UNC5C: variants seen among roughly 807,000 people sequenced by gnomAD.
UNC5C encodes netrin receptor UNC5C.
UNC5C carries 47 observed loss-of-function variants against 99.8 expected under a neutral mutation model. The observed-to-expected ratio is 0.47, with a 90% confidence interval of 0.37 to 0.60. UNC5C has a LOEUF of 0.60. Ranked by LOEUF, UNC5C falls within the 20% of genes least tolerant of loss-of-function variation. UNC5C has a pLI of 0.00. For missense variants in UNC5C, 1,062 were observed against 1,165.9 expected (o/e 0.91, Z 1.30); for synonymous variants, 487 against 452.2 (o/e 1.08, Z -0.98).
rs867755473 is a variant in UNC5C, at chr4:95,514,629, T to C, written c.124+34105A>G. 2.4e-4 allele frequency among the ~76,000 whole-genome samples: 35 copies of C among 148,392 alleles called. No individual in the cohort carries two copies. In the Middle Eastern group the frequency reaches 0.021, roughly 91 times the overall value. ...TTCTATAAGAGCAGCAATATAAATA[T>C]ATTTATTTATTTATTTTATATATAT... On this transcript the variant is annotated intron_variant, in intron 1 of 15. Coordinates refer to ENST00000453304, the MANE Select transcript of UNC5C (RefSeq NM_003728.4).
intron 1 of UNC5C, among the ~76,000 whole-genome samples, chr4:95,447,781 T>C (rs1056767695): frequency 1.3e-5 from 2 of 152,192 alleles, no homozygotes; most frequent in African/African-American, 4.8e-5. Flanking sequence ...ATTATGGGCA[T>C]GACCCACTGC....
chr4:95,472,796 C>A (rs529673044), intron 1 of UNC5C, among the ~76,000 whole-genome samples: 5 of 151,892 alleles, frequency 3.3e-5, no homozygotes, highest in Admixed American at 6.6e-5. Context: ...TATTAACTGG[C>A]AAATTTGCAT....
At chr4:95,245,265 A>G in intron 5 of UNC5C, 121 bp from the exon 6 acceptor site, 1 of 1,226,982 alleles carries the variant, frequency 8.2e-7, no homozygotes, top group East Asian at 2.8e-5. Flanking sequence ...CATTATAAAA[A>G]TCCAAAATTT....
intron 1 of UNC5C, among the ~76,000 whole-genome samples, chr4:95,444,373 C>G (rs763782654): frequency 4.6e-5 from 7 of 150,962 alleles, no homozygotes; most frequent in Non-Finnish European, 7.4e-5. Context: ...CTCTGTCGCC[C>G]AGGCTGGAGT....
At chr4:95,194,394 A>G (rs1579219046) in intron 12 of UNC5C, among the ~76,000 whole-genome samples, 1 of 152,196 alleles carries the variant, frequency 6.6e-6, no homozygotes, top group East Asian at 1.9e-4. Context: ...GACTTAAAAA[A>G]TAACACAAAC....
chr4:95,496,366 T>C (rs983326011), intron 1 of UNC5C, among the ~76,000 whole-genome samples: 1 of 151,862 alleles, frequency 6.6e-6, no homozygotes. Flanking sequence ...GTACTGAGTA[T>C]GTATTTCAAA....
chr4:95,378,461 G>A (rs1744961844), intron 1 of UNC5C, among the ~76,000 whole-genome samples: 1 of 152,104 alleles, frequency 6.6e-6, no homozygotes, highest in African/African-American at 2.4e-5. Flanking sequence ...GCTAAGAAAA[G>A]AGTCGGACTT....
intron 1 of UNC5C, among the ~76,000 whole-genome samples, chr4:95,487,595 A>G (rs1049165563): frequency 6.6e-6 from 1 of 151,778 alleles, no homozygotes; most frequent in Admixed American, 6.6e-5. Flanking sequence ...TTACACTACT[A>G]TAAATACTTA....
rs1553973949 is a variant in UNC5C, at chr4:95,448,238, G to GAGAGAGAGAGAGAGAC, written c.124+100495_124+100496insGTCTCTCTCTCTCTCT. Among the ~76,000 whole-genome samples the GAGAGAGAGAGAGAGAC allele has an allele frequency of 5.1e-3, 693 of 136,926 alleles. 2 individuals are homozygous for GAGAGAGAGAGAGAGAC. The highest frequency in any genetic ancestry group is 0.013 in the South Asian group (57 of 4,282). The allele number at this position is 136,926 out of a possible 152,430, so 89.8% of individuals were successfully genotyped here. On this transcript the variant is annotated intron_variant, in intron 1 of 15. Coordinates refer to ENST00000453304, the MANE Select transcript of UNC5C (RefSeq NM_003728.4). ...TGTGTGTGTGTGTGTGAGAGAGAGAGAGAGAGAGAGAGAGAGAGAGAGAGA... is the reference window on the plus strand; with the variant it reads ...TGTGTGTGTGTGTGTGAGAGAGAGAGAGAGAGAGAGAGAGACAGAGAGAGAGAGAGAGAGAGAGAGA...
intron 1 of UNC5C, among the ~76,000 whole-genome samples, chr4:95,379,786 TC>T (rs1218623150): frequency 6.6e-6 from 1 of 152,132 alleles, no homozygotes; most frequent in Non-Finnish European, 1.5e-5. Context: ...GCTTGGTACT[TC>T]TTAGGCGCGA....
At chr4:95,247,897 T>C (rs1179434035) in intron 5 of UNC5C, 1 of 152,360 alleles carries the variant, frequency 6.6e-6, no homozygotes, top group Admixed American at 6.5e-5. Context: ...ATTTCTTTCT[T>C]GCATTTCAAA....
At chr4:95,445,298 C>A (rs184927744) in intron 1 of UNC5C, among the ~76,000 whole-genome samples, 2 of 150,246 alleles carry the variant, frequency 1.3e-5, no homozygotes, top group Non-Finnish European at 3.0e-5. Flanking sequence ...CCCTCCAACC[C>A]TTTTTTTCCT....
At chr4:95,330,516 C>A (rs1743069522) in intron 2 of UNC5C, among the ~76,000 whole-genome samples, 1 of 151,942 alleles carries the variant, frequency 6.6e-6, no homozygotes, top group Non-Finnish European at 1.5e-5. Context: ...TAAATGACAT[C>A]TTTTACTGCA....
At chr4:95,277,877 A>C (rs1740917498) in intron 4 of UNC5C, among the ~76,000 whole-genome samples, 1 of 152,240 alleles carries the variant, frequency 6.6e-6, no homozygotes, top group Non-Finnish European at 1.5e-5. Context: ...TCACAGACAC[A>C]GAAAAACACA....
chr4:95,276,146 G>T (rs1461374044), intron 4 of UNC5C, among the ~76,000 whole-genome samples: 1 of 152,016 alleles, frequency 6.6e-6, no homozygotes, highest in Non-Finnish European at 1.5e-5. Context: ...TGAGCAAATG[G>T]CAGTTGTAAT....
At chr4:95,499,726 C>G (rs1721731053) in intron 1 of UNC5C, among the ~76,000 whole-genome samples, 1 of 152,022 alleles carries the variant, frequency 6.6e-6, no homozygotes, top group Non-Finnish European at 1.5e-5. Context: ...AGCTCCCTCC[C>G]CTTGATCACA....
intron 1 of UNC5C, among the ~76,000 whole-genome samples, chr4:95,491,869 C>G (rs1721502281): frequency 6.6e-6 from 1 of 151,534 alleles, no homozygotes; most frequent in African/African-American, 2.4e-5. Context: ...TGTGTCCAAA[C>G]TCTATAATGT....
Position 95,242,413 on chromosome 4 carries a change from G to A in UNC5C, c.1108+16C>T. 1 of 1,613,896 alleles carries A rather than the reference G, an allele frequency of 6.2e-7. No homozygotes were observed. The highest frequency in any genetic ancestry group is 8.5e-7 in the Non-Finnish European group (1 of 1,179,908). The stretch of plus-strand genomic sequence containing the variant: ...CCAGCCCCCTCAATGTCTGCAGTTT[G>A]CTTAAATTGACTTACTCTGCATGCA... On this transcript the variant is annotated intron_variant, in intron 7 of 15. Coordinates refer to ENST00000453304, the MANE Select transcript of UNC5C (RefSeq NM_003728.4).
chr4:95,206,520 A>G lies in UNC5C; in HGVS notation c.1902+108T>C, dbSNP rs142748898. On this transcript the variant is annotated intron_variant, in intron 11 of 15. Transcript: ENST00000453304. ...TTCTCTCTCATTTTGAGGGTGAGCT[A>G]AAATTCCACTCATGTTTTGCTTTAT... 2.0e-3 allele frequency: 3,079 copies of G among 1,512,544 alleles called. 8 individuals carry two copies. The highest frequency in any genetic ancestry group is 2.4e-3 in the Non-Finnish European group (2,698 of 1,118,906). The allele number at this position is 1,512,544 out of a possible 1,614,324, so 93.7% of individuals were successfully genotyped here.
Sources: allele counts gnomAD v4.1 joint callset (sites outside exome capture counted in the v4.1 genomes callset), GRCh38; gene constraint gnomAD v4.1.1; transcripts MANE v1.5; gene names NCBI Gene and HGNC (gene_info 2026-07-23, HGNC 2026-07-21).